Variants in SLC16A7 observed in about 807,000 individuals in gnomAD.
SLC16A7 encodes solute carrier family 16 member 7, also known as monocarboxylate transporter 2.
Under a neutral mutation model 34.9 loss-of-function variants are expected in SLC16A7, and 33 were observed. That is an observed-to-expected ratio of 0.94 (90% CI 0.72 to 1.26). SLC16A7 has a LOEUF of 1.26. Among genes scored for constraint, SLC16A7 ranks in the 50% most tolerant of loss-of-function variants. SLC16A7 has a pLI of 0.00. For missense variants in SLC16A7, 573 were observed against 578.1 expected, an observed-to-expected ratio of 0.99 and a Z score of 0.09; for synonymous variants, 201 against 206.6, an observed-to-expected ratio of 0.97 and a Z score of 0.23.
At chr12:59,639,805 C>G (rs1004240744) in intron 1 of SLC16A7, among the ~76,000 whole-genome samples, 1 of 152,144 alleles carries the variant, frequency 6.6e-6, no homozygotes, top group Admixed American at 6.6e-5. Context: ...CAATTTAACT[C>G]AATTCTTATG....
chr12:59,751,673 C>T (rs1025258449), intron 3 of SLC16A7, among the ~76,000 whole-genome samples: 9 of 152,338 alleles, frequency 5.9e-5, no homozygotes, highest in African/African-American at 9.6e-5. Context: ...CCTCTGGGAG[C>T]AGGGCACAGA....
intron 3 of SLC16A7, chr12:59,719,686 T>G (rs1418532077): frequency 5.9e-6 from 1 of 169,330 alleles, no homozygotes; most frequent in Non-Finnish European, 1.2e-5. Flanking sequence ...CTTGGCAGCA[T>G]CATAAGCCTT....
At chr12:59,628,106 T>C (rs1880007059) in intron 1 of SLC16A7, among the ~76,000 whole-genome samples, 1 of 151,846 alleles carries the variant, frequency 6.6e-6, no homozygotes, top group Admixed American at 6.6e-5. Context: ...ATCTTTAATA[T>C]TGTCCACCTG....
intron 3 of SLC16A7, among the ~76,000 whole-genome samples, chr12:59,709,756 T>C (rs1401965361): frequency 6.6e-6 from 1 of 151,654 alleles, no homozygotes; most frequent in Non-Finnish European, 1.5e-5. Flanking sequence ...GCATAAATAT[T>C]ACTAAAGCTT....
intron 3 of SLC16A7, among the ~76,000 whole-genome samples, chr12:59,744,928 G>A (rs1372748102): frequency 6.6e-6 from 1 of 152,088 alleles, no homozygotes; most frequent in African/African-American, 2.4e-5. Flanking sequence ...TGAAGTGGCC[G>A]GCTACATCCA....
chr12:59,762,839 G>C (rs1179477023), intron 3 of SLC16A7, among the ~76,000 whole-genome samples: 1 of 139,576 alleles, frequency 7.2e-6, no homozygotes, highest in Non-Finnish European at 1.6e-5. Context: ...AAAAAAATCT[G>C]ATGCTCAGTA....
In SLC16A7 at chr12:59,775,460, G is replaced by C; in HGVS notation, c.1165G>C (p.Gly389Arg). Residue 389 changes from glycine (G) to arginine (R), a missense_variant, in exon 5 of 6, where the codon GGC becomes CGC. Coordinates refer to ENST00000547379, the MANE Select transcript of SLC16A7 (RefSeq NM_001270623.2). ...TIVECGPVLL[G>R]PPLAGKLVDL... Reference sequence around the variant, plus strand: ...TGTGGAGTGTGGCCCAGTTCTTCTTGGCCCTCCTCTTGCAGGTAAGAACGT... The same window carrying C: ...TGTGGAGTGTGGCCCAGTTCTTCTTCGCCCTCCTCTTGCAGGTAAGAACGT... 4 of 1,613,006 alleles carry C rather than the reference G, an allele frequency of 2.5e-6. No homozygotes were observed. The highest frequency in any genetic ancestry group is 3.4e-6 in the Non-Finnish European group (4 of 1,179,246).
chr12:59,697,659 A>G (rs1872464899), intron 2 of SLC16A7, among the ~76,000 whole-genome samples: 1 of 151,704 alleles, frequency 6.6e-6, no homozygotes, highest in Non-Finnish European at 1.5e-5. Flanking sequence ...CACTTATACT[A>G]TAATTGCTAC....
chr12:59,762,151 TTC>T (rs1328781205), intron 3 of SLC16A7, among the ~76,000 whole-genome samples: 3 of 152,122 alleles, frequency 2.0e-5, no homozygotes, highest in Non-Finnish European at 2.9e-5. Flanking sequence ...CATGTGAATT[TTC>T]TCTGTTTCTG....
intron 3 of SLC16A7, among the ~76,000 whole-genome samples, chr12:59,749,078 C>G (rs1049349835): frequency 4.6e-5 from 7 of 151,768 alleles, no homozygotes; most frequent in African/African-American, 1.5e-4. Flanking sequence ...TTAATGCAGA[C>G]AAAAGTACAC....
chr12:59,654,353 T>C (rs1391733186), intron 1 of SLC16A7, among the ~76,000 whole-genome samples: 1 of 151,658 alleles, frequency 6.6e-6, no homozygotes, highest in Non-Finnish European at 1.5e-5. Flanking sequence ...TGTCATTTCA[T>C]TGCCAAACAC....
intron 3 of SLC16A7, among the ~76,000 whole-genome samples, chr12:59,752,256 A>G (rs559700584): frequency 6.6e-6 from 1 of 152,328 alleles, no homozygotes; most frequent in East Asian, 1.9e-4. Flanking sequence ...CTGGACGGAG[A>G]ATGACTTTGA....
intron 3 of SLC16A7, among the ~76,000 whole-genome samples, chr12:59,727,151 C>CATAT (rs61274058): frequency 0.024 from 3,455 of 141,934 alleles, 127 homozygotes; most frequent in African/African-American, 0.081. Context: ...ATGAGATGGA[C>CATAT]ATATATATAT....
intron 1 of SLC16A7, among the ~76,000 whole-genome samples, chr12:59,632,713 C>T (rs994893668): frequency 1.1e-4 from 17 of 151,976 alleles, no homozygotes; most frequent in African/African-American, 3.4e-4. Flanking sequence ...GTATCACCCC[C>T]GGTTAAGGTG....
intron 1 of SLC16A7, among the ~76,000 whole-genome samples, chr12:59,638,823 C>A (rs1196832917): frequency 2.0e-5 from 3 of 152,076 alleles, no homozygotes; most frequent in African/African-American, 7.2e-5. Flanking sequence ...ATGTGAGTTG[C>A]ATTGTATGTT....
intron 2 of SLC16A7, among the ~76,000 whole-genome samples, chr12:59,665,485 G>A (rs530096984): frequency 2.6e-5 from 4 of 151,690 alleles, no homozygotes; most frequent in Non-Finnish European, 4.4e-5. Context: ...TAGGACTTAG[G>A]TAATTTCATC....
At chr12:59,633,628 G>A (rs953144411) in intron 1 of SLC16A7, among the ~76,000 whole-genome samples, 1 of 151,398 alleles carries the variant, frequency 6.6e-6, no homozygotes, top group Non-Finnish European at 1.5e-5. Flanking sequence ...AACTACCAGA[G>A]ACTGGGGTAA....
intron 3 of SLC16A7, among the ~76,000 whole-genome samples, chr12:59,755,930 C>G: frequency 6.6e-6 from 1 of 152,102 alleles, no homozygotes; most frequent in Non-Finnish European, 1.5e-5. Flanking sequence ...TGGAGCAGAA[C>G]AGAGCCCTCA....
chr12:59,740,286 A>T (rs1462547325), intron 3 of SLC16A7, among the ~76,000 whole-genome samples: 6 of 151,920 alleles, frequency 3.9e-5, no homozygotes, highest in South Asian at 4.2e-4. Flanking sequence ...TCCCAGCACC[A>T]TTTATTAAAT....
Sources: allele counts gnomAD v4.1 joint callset (sites outside exome capture counted in the v4.1 genomes callset), GRCh38; gene constraint gnomAD v4.1.1; transcripts MANE v1.5; gene names NCBI Gene and HGNC (gene_info 2026-07-23, HGNC 2026-07-21).